The following BTBD7 variants were observed in gnomAD, a reference collection of about 807,000 sequenced individuals.
BTBD7 encodes BTB/POZ domain-containing protein 7.
BTBD7 carries 38 observed loss-of-function variants against 99.9 expected under a neutral mutation model. The observed-to-expected ratio is 0.38, with a 90% CI of 0.29 to 0.50. The LOEUF (loss-of-function observed/expected upper bound fraction) is 0.50. BTBD7 is among the 20% of genes least tolerant of loss of function. BTBD7 has a pLI of 0.93. For missense variants in BTBD7, 1,170 were observed against 1,394.6 expected (o/e 0.84, Z 2.57); for synonymous variants, 520 against 511.4 (o/e 1.02, Z -0.23).
chr14:93,251,352 A>G, intron 8 of BTBD7, 111 bp downstream of exon 8: 1 of 1,162,856 alleles, frequency 8.6e-7, no homozygotes, highest in Non-Finnish European at 1.2e-6. Flanking sequence ...AGGCATAAAA[A>G]GTATTGAAAT....
rs553335854 is a variant in BTBD7 at position 93,273,991 on chromosome 14, T to C, written c.1163-9998A>G. Among the ~76,000 whole-genome samples the C allele has an allele frequency of 1.1e-4, 17 of 152,306 alleles. 1 individual carries two copies. The highest frequency in any genetic ancestry group is 3.4e-4 in the African/African-American group (14 of 41,560). On this transcript the variant is annotated intron_variant, in intron 3 of 10. Coordinates refer to ENST00000334746, the MANE Select transcript of BTBD7 (RefSeq NM_001002860.4). ...AGAACCCAGGGGATTCACTGCAGCA[T>C]CTTCTGGTGCTTCTTTGCTGAGGGA...
Position 93,280,270 on chromosome 14 carries a change from G to A in BTBD7, c.1162+13588C>T, listed in dbSNP as rs539227393. ...AAAAGATTTAGAAAAACAAGGTAAT[G>A]CCCATGTACTTTCCAGAGAAAATTT... is the stretch of plus-strand genomic sequence containing the variant. On this transcript the variant is annotated intron_variant, in intron 3 of 10. Coordinates refer to ENST00000334746, the MANE Select transcript of BTBD7 (RefSeq NM_001002860.4). Among the ~76,000 whole-genome samples, 268 of 152,324 alleles carry A rather than the reference G, an allele frequency of 1.8e-3. 1 individual carries two copies. In the Middle Eastern group the frequency reaches 0.031, roughly 17 times the overall value.
intron 3 of BTBD7, among the ~76,000 whole-genome samples, chr14:93,265,655 C>T (rs186306713): frequency 3.9e-5 from 6 of 152,378 alleles, no homozygotes; most frequent in Admixed American, 6.5e-5. Flanking sequence ...GGTGCGGCGG[C>T]GCACGCCTGT....
At chr14:93,332,481 C>CGCCCGGA (rs1474152560) in intron 1 of BTBD7, 1 of 166,374 alleles carries the variant, frequency 6.0e-6, no homozygotes, top group Non-Finnish European at 1.3e-5. Flanking sequence ...CGCCCCTCGG[C>CGCCCGGA]GCCCGGAGCC....
In BTBD7 at chr14:93,322,152, A is replaced by G. The variant is rs769285272; in HGVS notation, c.-107+10668T>C. On this transcript the variant is annotated intron_variant, in intron 1 of 10. Coordinates refer to ENST00000334746, the MANE Select transcript of BTBD7 (RefSeq NM_001002860.4). ...TTAGAGACAGGGTCTCATTCTGTCA[A>G]CCAGGCTTGGAGTGCAGTGGGGTGA... is the stretch of plus-strand genomic sequence containing the variant. Among the ~76,000 whole-genome samples, 16 of 152,344 alleles carry G rather than the reference A, an allele frequency of 1.1e-4. No individual in the cohort carries two copies. In the Middle Eastern group the frequency reaches 0.017, roughly 162 times the overall value.
chr14:93,257,521 G>A (rs189539409), intron 5 of BTBD7, among the ~76,000 whole-genome samples, 166 bp from the exon 6 acceptor site: 14 of 152,164 alleles, frequency 9.2e-5, no homozygotes, highest in Non-Finnish European at 1.5e-4. Context: ...GTTTAATAGG[G>A]ATGTTCTTGG....
rs115103208 is a variant in BTBD7, at chr14:93,323,951, G to A, written c.-107+8869C>T. Among the ~76,000 whole-genome samples, 187 of 152,254 alleles carry A rather than the reference G, an allele frequency of 1.2e-3. 2 individuals are homozygous for A. The highest frequency in any genetic ancestry group is 4.1e-3 in the African/African-American group (169 of 41,550). On this transcript the variant is annotated intron_variant, in intron 1 of 10. Transcript: ENST00000334746. ...ACTATTAGACACTGTGCGACATCCC[G>A]TACACTTTGGTTCAAACCATACAGT...
chr14:93,257,038 G>A, intron 6 of BTBD7, 157 bp downstream of exon 6: 1 of 698,886 alleles, frequency 1.4e-6, no homozygotes, highest in Non-Finnish European at 2.3e-6. Context: ...GAAGACACAG[G>A]AGATACAACA....
At position 93,294,802 on chromosome 14, in the gene BTBD7, C is replaced by A. The variant is rs200301546; in HGVS notation, c.218G>T (p.Arg73Leu). ...ATCGGCAGACCTATTAGATTTCCGA[C>A]GCTTAATAAACTTCTTTTTGAGGGT... The part of the protein sequence containing the change: ...LATLKKKFIK[R>L]RKSNRSADHA... Residue 73 changes from arginine (R) to leucine (L), a missense_variant, in exon 3 of 11, where the codon CGT becomes CTT. Physicochemically the swap from Arg to Leu is moderately radical, Grantham distance 102. Coordinates refer to ENST00000334746, the MANE Select transcript of BTBD7 (RefSeq NM_001002860.4). 6.2e-7 allele frequency: 1 copy of A among 1,613,930 alleles called. No homozygotes were observed. Among genetic ancestry groups the A allele is most frequent in the East Asian group, 2.2e-5 (1 of 44,856 alleles).
In BTBD7 at chr14:93,311,586, C is replaced by T. The variant is rs568595559; in HGVS notation, c.-106-15429G>A. Among the ~76,000 whole-genome samples the T allele has an allele frequency of 2.8e-4, 43 of 152,150 alleles. No individual in the cohort carries two copies. The South Asian group carries it at 8.7e-3, about 31-fold the overall frequency. ...CAAATTCAGGTTTATAGGGTTTTTA[C>T]TCAATCTCATTATCTTATATCATTT... On this transcript the variant is annotated intron_variant, in intron 1 of 10. Transcript: ENST00000334746.
chr14:93,296,019 T>C lies in BTBD7; in HGVS notation c.33A>G (p.Ser11=). ...AATTTCCCCCTACCCTCGGGGAACA[T>C]GAATGAGGATAATTAGATGCATTAG... MGANASNYPH[S]CSPRVGGNSQ... The change falls in exon 2 of 11, where the codon TCA becomes TCG. Residue 11 remains serine, a synonymous_variant. Coordinates refer to ENST00000334746, the MANE Select transcript of BTBD7 (RefSeq NM_001002860.4). 1 of 1,614,102 alleles carries C rather than the reference T, an allele frequency of 6.2e-7. No individual in the cohort carries two copies. Among genetic ancestry groups the C allele is most frequent in the Non-Finnish European group, 8.5e-7 (1 of 1,179,984 alleles).
chr14:93,244,855 CTT>C (rs58775665), intron 10 of BTBD7, among the ~76,000 whole-genome samples: 10 of 107,418 alleles, frequency 9.3e-5, no homozygotes, highest in Non-Finnish European at 1.1e-4. Context: ...TCTTACAAAT[CTT>C]TTTTTTTTTT....
chr14:93,296,825 T>C (rs2052934009), intron 1 of BTBD7, among the ~76,000 whole-genome samples: 1 of 152,212 alleles, frequency 6.6e-6, no homozygotes, highest in Admixed American at 6.5e-5. Flanking sequence ...TCCTGCTTTC[T>C]ATTATGTGAT....
intron 1 of BTBD7, among the ~76,000 whole-genome samples, chr14:93,322,809 C>T (rs1161889943): frequency 6.6e-6 from 1 of 152,146 alleles, no homozygotes; most frequent in Non-Finnish European, 1.5e-5. Flanking sequence ...TTCCTCTTGT[C>T]TTCATTTTAA....
chr14:93,257,319 T>G lies in BTBD7; in HGVS notation c.1484A>C (p.Asn495Thr). ...NLLSGTAHSV[N>T]KRGVKRRDLD... Reference sequence around the variant, plus strand: ...GTCCCGTCTTTTTACACCTCTTTTGTTCACACTATGGGCAGTGCCACTCAG... The same window carrying G: ...GTCCCGTCTTTTTACACCTCTTTTGGTCACACTATGGGCAGTGCCACTCAG... Residue 495 changes from asparagine to threonine, a missense_variant, in exon 6 of 11, where the codon AAC (asparagine) becomes ACC (threonine). Physicochemically the swap from Asn to Thr is moderately conservative, Grantham distance 65. Around this residue, in one of 4 missense-constraint regions of BTBD7, gnomAD observed 309 missense variants for 342.0 expected, o/e 0.90. Coordinates refer to ENST00000334746, the MANE Select transcript of BTBD7 (RefSeq NM_001002860.4). 6.2e-7 allele frequency: 1 copy of G among 1,613,954 alleles called. No homozygotes were observed. The highest frequency in any genetic ancestry group is 1.3e-5 in the African/African-American group (1 of 75,032).
Position 93,242,272 on chromosome 14 carries a change from C to A in BTBD7, c.*1G>T. Reference sequence around the variant, plus strand: ...AGGCACAGACGACTTGGAGGTTGCTCTCAGAGGGCAGACTTTTTGTAGAGG... The same window carrying A: ...AGGCACAGACGACTTGGAGGTTGCTATCAGAGGGCAGACTTTTTGTAGAGG... On this transcript the variant is annotated 3_prime_UTR_variant, in exon 11 of 11. Coordinates refer to ENST00000334746, the MANE Select transcript of BTBD7 (RefSeq NM_001002860.4). The A allele has an allele frequency of 6.2e-7, 1 of 1,611,452 alleles. No individual in the cohort carries two copies. Among genetic ancestry groups the A allele is most frequent in the Non-Finnish European group, 8.5e-7 (1 of 1,177,900 alleles).
At chr14:93,308,802 T>A (rs980684658) in intron 1 of BTBD7, among the ~76,000 whole-genome samples, 39 of 152,154 alleles carry the variant, frequency 2.6e-4, no homozygotes, top group African/African-American at 9.4e-4. Context: ...GTAATCAAAT[T>A]CATAGAGACA....
chr14:93,283,339 A>G (rs1199344597), intron 3 of BTBD7, among the ~76,000 whole-genome samples: 2 of 152,148 alleles, frequency 1.3e-5, no homozygotes, highest in African/African-American at 4.8e-5. Context: ...TGGCCTCCCA[A>G]AGTGTTGGGA....
chr14:93,281,142 AG>A (rs1261844819), intron 3 of BTBD7, among the ~76,000 whole-genome samples: 1 of 149,520 alleles, frequency 6.7e-6, no homozygotes, highest in Non-Finnish European at 1.5e-5. Flanking sequence ...CTGGGACCAC[AG>A]GTGTGCACCA....
Sources: gnomAD v4.1 joint callset for allele counts (sites outside exome capture counted in the v4.1 genomes callset) on GRCh38, gnomAD v4.1.1 for gene constraint, gnomAD v4.1.1 regional missense constraint, MANE v1.5 for transcripts, NCBI Gene and HGNC (gene_info 2026-07-23, HGNC 2026-07-21) for gene names.